The following PFKFB3 variants were observed in gnomAD, a reference collection of about 807,000 sequenced individuals.
The protein encoded by PFKFB3 is 6-phosphofructo-2-kinase/fructose-2,6-bisphosphatase 3.
PFKFB3 carries 33 observed loss-of-function variants against 68.0 expected under a neutral mutation model. The ratio of observed to expected loss-of-function variants is 0.49; its 90% CI spans 0.37 to 0.65. The LOEUF is 0.65. PFKFB3 is among the 30% of genes least tolerant of loss of function. PFKFB3 has a pLI of 0.00. For missense variants in PFKFB3, 586 were observed against 712.2 expected (o/e 0.82, Z 2.02); for synonymous variants, 315 against 288.2 (o/e 1.09, Z -0.94).
At chr10:6,170,207 A>C (rs1008397876) in intron 1 of PFKFB3, among the ~76,000 whole-genome samples, 4 of 152,210 alleles carry the variant, frequency 2.6e-5, no homozygotes, top group Non-Finnish European at 4.4e-5. Flanking sequence ...AACAGAGGTG[A>C]TGGTGTGTCT....
chr10:6,275,000 T>G, the PFKFB3 span, among the ~76,000 whole-genome samples: 2 of 152,188 alleles, frequency 1.3e-5, no homozygotes, highest in Non-Finnish European at 2.9e-5. Context: ...AGATTTTTTT[T>G]CCCACCCAAG....
At chr10:6,156,781 T>C (rs796891312) in intron 1 of PFKFB3, among the ~76,000 whole-genome samples, 18 of 152,158 alleles carry the variant, frequency 1.2e-4, no homozygotes, top group East Asian at 3.9e-4. Context: ...CCACTGTGCC[T>C]GGCCCAAATT....
At chr10:6,284,271 C>G in the PFKFB3 span, among the ~76,000 whole-genome samples, 1 of 152,138 alleles carries the variant, frequency 6.6e-6, no homozygotes, top group Non-Finnish European at 1.5e-5. Flanking sequence ...TTTTTTATAC[C>G]GGGGTGTTGA....
At chr10:6,242,092 C>G (rs993209530) in intron 14 of PFKFB3, among the ~76,000 whole-genome samples, 1 of 152,074 alleles carries the variant, frequency 6.6e-6, no homozygotes, top group Non-Finnish European at 1.5e-5. Flanking sequence ...ATTCTTCCCG[C>G]CTCAGCCTCT....
the PFKFB3 span, among the ~76,000 whole-genome samples, chr10:6,284,387 T>C: frequency 6.6e-6 from 1 of 152,200 alleles, no homozygotes; most frequent in South Asian, 2.1e-4. Context: ...ACATTAAAAA[T>C]TGTTATGTCT....
intron 6 of PFKFB3, among the ~76,000 whole-genome samples, chr10:6,218,625 G>A (rs1844750702): frequency 6.6e-6 from 1 of 151,982 alleles, no homozygotes; most frequent in Non-Finnish European, 1.5e-5. Context: ...GGAGACGGGG[G>A]TTTCACTGTG....
At chr10:6,164,732 A>C (rs1239543815) in intron 1 of PFKFB3, among the ~76,000 whole-genome samples, 1 of 152,164 alleles carries the variant, frequency 6.6e-6, no homozygotes, top group Non-Finnish European at 1.5e-5. Context: ...ACATGTGAGC[A>C]AAGGAATCTG....
In PFKFB3 at chr10:6,220,150, A is replaced by G. The variant is rs7915298; in HGVS notation, c.623+457A>G. ...AGGGTCTCCCTTTGTCTCCCAGGCTAGAGTGCAGTGGCATGATCATAGCTC... is the reference window on the plus strand; with the variant it reads ...AGGGTCTCCCTTTGTCTCCCAGGCTGGAGTGCAGTGGCATGATCATAGCTC... On this transcript the variant is annotated intron_variant, in intron 7 of 14. Transcript: ENST00000379775. The surrounding 1 kb of genome is among the most constrained non-coding windows in gnomAD (Gnocchi z 4.1). Among the ~76,000 whole-genome samples, 114,404 of 151,920 alleles carry G rather than the reference A, an allele frequency of 0.75. 44,385 individuals are homozygous for G. Among genetic ancestry groups the G allele is most frequent in the Non-Finnish European group, 0.86 (58,353 of 67,992 alleles).
At chr10:6,201,501 G>C (rs1449571414), upstream of PFKFB3, among the ~76,000 whole-genome samples, 2 of 149,672 alleles carry the variant, frequency 1.3e-5, no homozygotes, top group African/African-American at 2.5e-5. This position sits in a 1 kb window ranked among gnomAD's most constrained non-coding sequence, Gnocchi z 4.1. Context: ...GCACAGGCCA[G>C]GTGGCCGATG....
intron 1 of PFKFB3, among the ~76,000 whole-genome samples, chr10:6,196,516 C>T (rs1227023413): frequency 1.3e-5 from 2 of 152,190 alleles, no homozygotes; most frequent in Non-Finnish European, 2.9e-5. Flanking sequence ...GTGCAGCCTT[C>T]AGTCTGTGGT....
chr10:6,301,990 A>T, the PFKFB3 span, among the ~76,000 whole-genome samples: 2 of 152,184 alleles, frequency 1.3e-5, no homozygotes, highest in African/African-American at 2.4e-5. Flanking sequence ...AGGAGGAAAC[A>T]GAGAAGTGAG....
In PFKFB3 at chr10:6,220,143, C is replaced by G. The variant is rs1035386972; in HGVS notation, c.623+450C>G. The stretch of plus-strand genomic sequence containing the variant: ...TAGAGACAGGGTCTCCCTTTGTCTC[C>G]CAGGCTAGAGTGCAGTGGCATGATC... On this transcript the variant is annotated intron_variant, in intron 7 of 14. Transcript: ENST00000379775. The surrounding 1 kb of genome is among the most constrained non-coding windows in gnomAD (Gnocchi z 4.1). Among the ~76,000 whole-genome samples, 4 of 151,930 alleles carry G rather than the reference C, an allele frequency of 2.6e-5. No homozygotes were observed. Among genetic ancestry groups the G allele is most frequent in the Admixed American group, 2.6e-4 (4 of 15,260 alleles).
chr10:6,230,008 G>T (rs886500085), intron 14 of PFKFB3, among the ~76,000 whole-genome samples: 1 of 152,288 alleles, frequency 6.6e-6, no homozygotes, highest in Admixed American at 6.5e-5. Flanking sequence ...ACAGCCCAGG[G>T]GTTAGGGACC....
chr10:6,146,337 AG>A (rs1408168444), intron 1 of PFKFB3: 6 of 1,529,226 alleles, frequency 3.9e-6, no homozygotes, highest in Non-Finnish European at 5.3e-6. Flanking sequence ...CTGGCGGTGA[AG>A]GGGGTGGCTG....
chr10:6,166,931 G>C (rs375425318), intron 1 of PFKFB3, among the ~76,000 whole-genome samples: 2 of 151,090 alleles, frequency 1.3e-5, no homozygotes, highest in South Asian at 2.1e-4. Context: ...CCAGTTTAAA[G>C]CAATTCTCCT....
intron 6 of PFKFB3, 68 bp downstream of exon 6, chr10:6,217,259 A>G (rs1844646679): frequency 1.4e-6 from 2 of 1,396,192 alleles, no homozygotes; most frequent in East Asian, 2.3e-5. Context: ...AGTCTGAGGA[A>G]GTGGGGGACC....
At chr10:6,311,843 C>T in the PFKFB3 span, among the ~76,000 whole-genome samples, 31 of 152,272 alleles carry the variant, frequency 2.0e-4, no homozygotes, top group East Asian at 3.7e-3. Flanking sequence ...CTGAAAGTGT[C>T]GAAGTCAGGC....
chr10:6,170,102 C>T (rs1842260584), intron 1 of PFKFB3, among the ~76,000 whole-genome samples: 1 of 152,050 alleles, frequency 6.6e-6, no homozygotes, highest in South Asian at 2.1e-4. Context: ...TGGGCCCACC[C>T]CGTGGTTCTT....
intron 1 of PFKFB3, among the ~76,000 whole-genome samples, chr10:6,208,812 A>C (rs1303057208): frequency 6.6e-6 from 1 of 152,202 alleles, no homozygotes; most frequent in South Asian, 2.1e-4. Flanking sequence ...TTCACCATCC[A>C]TCTGGCTGCT....
Sources: allele counts gnomAD v4.1 joint callset (sites outside exome capture counted in the v4.1 genomes callset), GRCh38; gene constraint gnomAD v4.1.1; non-coding constraint Gnocchi (gnomAD v3.1); transcripts MANE v1.5; gene names NCBI Gene and HGNC (gene_info 2026-07-23, HGNC 2026-07-21).